CCDC60: variants seen among roughly 807,000 people sequenced by gnomAD.
CCDC60 encodes coiled-coil domain containing 60, also known as coiled-coil domain-containing protein 60.
Under a neutral mutation model 63.5 loss-of-function variants are expected in CCDC60, and 54 were observed. That is an observed-to-expected ratio of 0.85 (90% CI 0.68 to 1.07). The LOEUF is 1.07. Among genes scored for constraint, CCDC60 ranks in the 50% least tolerant of loss-of-function variants. The pLI is 0.00. For missense variants in CCDC60, 651 were observed against 684.3 expected (o/e 0.95, Z 0.54); for synonymous variants, 206 against 238.8 (o/e 0.86, Z 1.27).
chr12:119,478,434 C>A (rs1045322147), intron 3 of CCDC60, among the ~76,000 whole-genome samples: 13 of 151,902 alleles, frequency 8.6e-5, no homozygotes, highest in Admixed American at 7.2e-4. Flanking sequence ...AGAAAAAACA[C>A]CTAAATATGG....
intron 1 of CCDC60, among the ~76,000 whole-genome samples, chr12:119,366,973 C>CAGGCA (rs1955846869): frequency 6.6e-6 from 1 of 152,278 alleles, no homozygotes. Context: ...GCTGGGATTA[C>CAGGCA]AGGCACCCGC....
rs1956793125 is a variant in CCDC60 at position 119,420,476 on chromosome 12, T to G, written c.91-8207T>G. Among the ~76,000 whole-genome samples the G allele has an allele frequency of 1.3e-5, 2 of 152,128 alleles. No individual in the cohort carries two copies. The highest frequency in any genetic ancestry group is 1.3e-4 in the Admixed American group (2 of 15,264). On this transcript the variant is annotated intron_variant, in intron 1 of 13. Transcript: ENST00000327554. The surrounding 1 kb of genome is among the most constrained non-coding windows in gnomAD (Gnocchi z 4.1). Reference sequence around the variant, plus strand: ...CAAGCCAGACACAGAAAGACAAACATCACATGTTCTCACTTATTTGTGGGA... The same window carrying G: ...CAAGCCAGACACAGAAAGACAAACAGCACATGTTCTCACTTATTTGTGGGA...
chr12:119,339,216 G>A (rs1225047191), intron 1 of CCDC60, among the ~76,000 whole-genome samples: 8 of 152,054 alleles, frequency 5.3e-5, no homozygotes, highest in African/African-American at 9.7e-5. Flanking sequence ...GGATTACCAC[G>A]GACCCACGAT....
intron 1 of CCDC60, among the ~76,000 whole-genome samples, chr12:119,422,270 T>C (rs965557310): frequency 6.6e-6 from 1 of 152,184 alleles, no homozygotes; most frequent in Non-Finnish European, 1.5e-5. Context: ...GTCCCCAAGA[T>C]GGCTTTTATG....
intron 9 of CCDC60, 102 bp downstream of exon 9, chr12:119,520,294 G>A: frequency 2.1e-6 from 2 of 967,054 alleles, no homozygotes; most frequent in Non-Finnish European, 3.1e-6. Context: ...AAGTGGGACA[G>A]GAAAGAGGGA....
At chr12:119,346,774 CT>C (rs1955597429) in intron 1 of CCDC60, among the ~76,000 whole-genome samples, 1 of 125,296 alleles carries the variant, frequency 8.0e-6, no homozygotes, top group Non-Finnish European at 1.6e-5. Flanking sequence ...ACTCATCTTT[CT>C]CTTTCTTTCT....
intron 2 of CCDC60, among the ~76,000 whole-genome samples, chr12:119,443,656 T>A (rs1950486665): frequency 6.6e-6 from 1 of 152,234 alleles, no homozygotes; most frequent in Non-Finnish European, 1.5e-5. Flanking sequence ...GGTATTAATT[T>A]CCTCACGGCT....
At chr12:119,397,682 T>G in intron 1 of CCDC60, among the ~76,000 whole-genome samples, 1 of 136,578 alleles carries the variant, frequency 7.3e-6, no homozygotes, top group Non-Finnish European at 1.6e-5. Flanking sequence ...GGGGCAGGGG[T>G]GGAGTTGCCG....
chr12:119,459,000 G>A (rs926051845), intron 2 of CCDC60, among the ~76,000 whole-genome samples: 6 of 151,998 alleles, frequency 3.9e-5, no homozygotes, highest in Admixed American at 1.3e-4. Flanking sequence ...CACCTCCGTC[G>A]GCCGCCCAAA....
chr12:119,491,121 T>C (rs1951571657), intron 5 of CCDC60, among the ~76,000 whole-genome samples: 1 of 152,200 alleles, frequency 6.6e-6, no homozygotes, highest in South Asian at 2.1e-4. Flanking sequence ...TCTACATGAT[T>C]TTCCCCTTTA....
chr12:119,373,138 C>T (rs187900787), intron 1 of CCDC60, among the ~76,000 whole-genome samples: 2 of 152,266 alleles, frequency 1.3e-5, no homozygotes, highest in Non-Finnish European at 2.9e-5. Context: ...TTACAAAGTA[C>T]TGAAATGCAG....
chr12:119,502,550 C>T (rs987664666), intron 6 of CCDC60, among the ~76,000 whole-genome samples: 14 of 152,170 alleles, frequency 9.2e-5, no homozygotes, highest in African/African-American at 3.1e-4. Context: ...CATCTTCCCC[C>T]TACATTTTAT....
At chr12:119,464,381 T>C (rs1950914688) in intron 2 of CCDC60, among the ~76,000 whole-genome samples, 1 of 146,660 alleles carries the variant, frequency 6.8e-6, no homozygotes, top group Admixed American at 7.0e-5. Context: ...CCTTCCTTCC[T>C]CCTTCCTTCC....
At chr12:119,447,622 GGTAATAACA>G (rs1162564992) in intron 2 of CCDC60, 1 of 152,156 alleles carries the variant, frequency 6.6e-6, no homozygotes, top group African/African-American at 2.4e-5. Context: ...AAGCACAATA[GGTAATAACA>G]GGGATGGCAG....
chr12:119,438,936 C>G (rs1287467066), intron 2 of CCDC60, among the ~76,000 whole-genome samples: 1 of 151,972 alleles, frequency 6.6e-6, no homozygotes, highest in Non-Finnish European at 1.5e-5. Flanking sequence ...TTTCTTAGAT[C>G]CTACAATGCC....
chr12:119,447,161 T>C (rs571131850), intron 2 of CCDC60, among the ~76,000 whole-genome samples: 1 of 152,274 alleles, frequency 6.6e-6, no homozygotes, highest in South Asian at 2.1e-4. Flanking sequence ...TCTGAATATA[T>C]CGCAGTGAGG....
chr12:119,455,003 T>C (rs1401771421), intron 2 of CCDC60, among the ~76,000 whole-genome samples: 1 of 152,242 alleles, frequency 6.6e-6, no homozygotes, highest in Non-Finnish European at 1.5e-5. Flanking sequence ...GTTACCCAGC[T>C]TGCCAATTTC....
intron 1 of CCDC60, among the ~76,000 whole-genome samples, chr12:119,346,466 C>G (rs140216739): frequency 6.6e-6 from 1 of 152,212 alleles, no homozygotes; most frequent in Non-Finnish European, 1.5e-5. Flanking sequence ...CTACAGAAAG[C>G]CTGTGCTCTT....
chr12:119,501,122 GAT>G (rs1223047563), intron 6 of CCDC60, among the ~76,000 whole-genome samples: 5 of 152,182 alleles, frequency 3.3e-5, no homozygotes, highest in Admixed American at 6.5e-5. Context: ...CTATGAAATG[GAT>G]ATAATGCCCT....
Sources: allele counts gnomAD v4.1 joint callset (sites outside exome capture counted in the v4.1 genomes callset), GRCh38; gene constraint gnomAD v4.1.1; non-coding constraint Gnocchi (gnomAD v3.1); transcripts MANE v1.5; gene names NCBI Gene and HGNC (gene_info 2026-07-23, HGNC 2026-07-21).